Variants in VILL observed in about 807,000 individuals in gnomAD.
VILL encodes the protein villin like.
A neutral mutation model predicts 106.3 loss-of-function variants in VILL; 102 were observed. That is an observed-to-expected ratio of 0.96 (90% CI 0.82 to 1.13). VILL has a LOEUF of 1.13. Among genes scored for constraint, VILL ranks in the 50% most tolerant of loss-of-function variants. VILL has a pLI of 0.00. For synonymous variants in VILL, 431 were observed against 440.3 expected (o/e 0.98, Z 0.27); for missense variants, 1,076 against 1,116.6 (o/e 0.96, Z 0.52).
chr3:38,005,316 CTT>C (rs1410025096), intron 16 of VILL, among the ~76,000 whole-genome samples: 1 of 152,144 alleles, frequency 6.6e-6, no homozygotes, highest in Non-Finnish European at 1.5e-5. Context: ...ACAATGGCCT[CTT>C]TGTGTTCCCT....
intron 1 of VILL, among the ~76,000 whole-genome samples, chr3:37,993,148 C>G (rs945727223): frequency 1.3e-5 from 2 of 152,226 alleles, no homozygotes; most frequent in African/African-American, 2.4e-5. Context: ...CCCCCAGGTA[C>G]TTCTCATTCC....
chr3:38,004,405 G>A lies in VILL; in HGVS notation c.1950+6G>A, dbSNP rs751659949. 16 of 1,602,588 alleles carry A rather than the reference G, an allele frequency of 1.0e-5. No individual in the cohort carries two copies. Among genetic ancestry groups the A allele is most frequent in the Non-Finnish European group, 1.4e-5 (16 of 1,170,452 alleles). ...TACTGGACACCTGGCAGGAGGTAAGGTGGCCATCCCTGCCTGGTGGGGCTG... is the reference window on the plus strand; with the variant it reads ...TACTGGACACCTGGCAGGAGGTAAGATGGCCATCCCTGCCTGGTGGGGCTG... On this transcript the variant is annotated splice_donor_region_variant and intron_variant, in intron 16 of 19. Coordinates refer to ENST00000383759, the MANE Select transcript of VILL (RefSeq NM_015873.4).
rs1294058366 is a variant in VILL at position 37,997,820 on chromosome 3, C to T, written c.764+135C>T. ...GGTTTCTGGGACAGGTCATGTGGAC[C>T]GTGGGTCCAGCCTGTACTCTTCCAT... On this transcript the variant is annotated intron_variant, in intron 7 of 19. Coordinates refer to ENST00000383759, the MANE Select transcript of VILL (RefSeq NM_015873.4). This position sits in a 1 kb window ranked among gnomAD's most constrained non-coding sequence, Gnocchi z 4.7. 1 of 1,036,764 alleles carries T rather than the reference C, an allele frequency of 9.6e-7. No homozygotes were observed. Among genetic ancestry groups the T allele is most frequent in the Non-Finnish European group, 1.4e-6 (1 of 719,770 alleles). 64.2% of individuals were successfully genotyped at this position (1,036,764 alleles called of 1,614,324 possible).
At chr3:37,994,056 T>C in intron 3 of VILL, 84 bp downstream of exon 3, 1 of 1,558,582 alleles carries the variant, frequency 6.4e-7, no homozygotes, top group Non-Finnish European at 8.8e-7. Flanking sequence ...AACTCTGCCC[T>C]GGGAAGCGGC....
chr3:37,998,118 G>T lies in VILL; in HGVS notation c.793G>T (p.Val265Phe), dbSNP rs1304919843. 6.2e-7 allele frequency: 1 copy of T among 1,613,068 alleles called. No homozygotes were observed. ...CTATGAGAAGGGCAAAGACCTGGTGGTCCTGGAGTTGGCGACCCCCCCACT... is the reference window on the plus strand; with the variant it reads ...CTATGAGAAGGGCAAAGACCTGGTGTTCCTGGAGTTGGCGACCCCCCCACT... ...HVYEKGKDLV[V>F]LELATPPLTQ... The change falls in exon 8 of 20, where the codon GTC becomes TTC. Residue 265 changes from valine to phenylalanine, a missense_variant. By Grantham distance (50) the Val-to-Phe change is conservative. Transcript: ENST00000383759. The surrounding 1 kb of genome is among the most constrained non-coding windows in gnomAD (Gnocchi z 4.1).
Position 38,006,392 on chromosome 3 carries a change from C to T in VILL, c.2206-57C>T, listed in dbSNP as rs1699924620. The T allele has an allele frequency of 2.5e-6, 4 of 1,584,392 alleles. No individual in the cohort carries two copies. In the South Asian group the frequency reaches 3.4e-5, roughly 14 times the overall value. On this transcript the variant is annotated intron_variant, in intron 18 of 19. Coordinates refer to ENST00000383759, the MANE Select transcript of VILL (RefSeq NM_015873.4). ...AAGAGGCCTGTGGGTTCAGTGCAGC[C>T]TCCCTGTGGGCTACTGATTCCCCAT...
At chr3:38,002,121 C>A (rs1699829455) in intron 13 of VILL, 2 of 653,014 alleles carry the variant, frequency 3.1e-6, no homozygotes, top group South Asian at 3.9e-5. Context: ...CAAACCTGGT[C>A]CCCACTTTCC....
In VILL at chr3:38,005,960, C is replaced by A. The variant is rs1325727405; in HGVS notation, c.2119C>A (p.Pro707Thr). The change falls in exon 17 of 20, where the codon CCC becomes ACC. Residue 707 changes from proline (P) to threonine (T), a missense_variant. Physicochemically the swap from Pro to Thr is conservative, Grantham distance 38. Transcript: ENST00000383759. ...TFIGWFFTWD[P>T]YKWTSHPSHK... is the part of the protein sequence containing the mutation. ...CATTGGATGGTTCTTCACTTGGGAC[C>A]CCTACAAGTGGACTGTGAGTGAGGC... 6.2e-7 allele frequency: 1 copy of A among 1,612,124 alleles called. No homozygotes were observed. The highest frequency in any genetic ancestry group is 1.7e-5 in the Admixed American group (1 of 59,880).
In VILL at chr3:37,997,638, C is replaced by G; in HGVS notation, c.717C>G (p.Pro239=). 9 of 1,610,104 alleles carry G rather than the reference C, an allele frequency of 5.6e-6. No individual in the cohort carries two copies. The highest frequency in any genetic ancestry group is 7.6e-6 in the Non-Finnish European group (9 of 1,178,528). Residue 239 remains proline (P), a synonymous_variant, in exon 7 of 20, where the codon CCC becomes CCG. Coordinates refer to ENST00000383759, the MANE Select transcript of VILL (RefSeq NM_015873.4). This position sits in a 1 kb window ranked among gnomAD's most constrained non-coding sequence, Gnocchi z 4.7. ...RRVGSLRAAT[P]SKDINQLQKA... is the part of the protein sequence containing the mutation. ...TGGGCAGCCTGCGTGCCGCCACGCCCAGCAAGGATATCAACCAGCTGCAGA... is the reference window on the plus strand; with the variant it reads ...TGGGCAGCCTGCGTGCCGCCACGCCGAGCAAGGATATCAACCAGCTGCAGA...
chr3:37,998,010 G>GT lies in VILL; in HGVS notation c.765-79dup. On this transcript the variant is annotated intron_variant, in intron 7 of 19. Coordinates refer to ENST00000383759, the MANE Select transcript of VILL (RefSeq NM_015873.4). This position sits in a 1 kb window ranked among gnomAD's most constrained non-coding sequence, Gnocchi z 4.1. Reference sequence around the variant, plus strand: ...TGCCTTCTGTCTCTGAGGGACTGGGGTGGGGTCCTAAATGGGGCTGGAGTG... The same window carrying GT: ...TGCCTTCTGTCTCTGAGGGACTGGGGTTGGGGTCCTAAATGGGGCTGGAGTG... 7.1e-7 allele frequency: 1 copy of GT among 1,398,948 alleles called. No homozygotes were observed. Among genetic ancestry groups the GT allele is most frequent in the South Asian group, 1.3e-5 (1 of 77,822 alleles). The allele number at this position is 1,398,948 out of a possible 1,614,324, so 86.7% of individuals were successfully genotyped here. A position where few individuals can be genotyped will look rare whatever the true frequency, so the allele number is the denominator to read the frequency against.
intron 16 of VILL, among the ~76,000 whole-genome samples, chr3:38,004,903 T>G (rs1270791347): frequency 1.3e-5 from 2 of 152,226 alleles, no homozygotes; most frequent in African/African-American, 4.8e-5. Flanking sequence ...TGAGCAAGAC[T>G]ATGACTGGCT....
intron 16 of VILL, 31 bp downstream of exon 16, chr3:38,004,430 G>A: frequency 1.3e-6 from 2 of 1,591,594 alleles, no homozygotes; most frequent in Non-Finnish European, 1.7e-6. Flanking sequence ...TGGTGGGGCT[G>A]TGAACGGGGG....
At chr3:37,994,156 A>C (rs1011479240) in intron 3 of VILL, 105 bp from the exon 4 acceptor site, 2 of 1,444,744 alleles carry the variant, frequency 1.4e-6, no homozygotes, top group Non-Finnish European at 1.9e-6. Flanking sequence ...ATCTCCGCGG[A>C]AGCCCCTGCC....
Position 38,002,423 on chromosome 3 carries a change from C to A in VILL, c.1507C>A (p.Gln503Lys). 6.2e-7 allele frequency: 1 copy of A among 1,613,248 alleles called. No individual in the cohort carries two copies. Among genetic ancestry groups the A allele is most frequent in the Non-Finnish European group, 8.5e-7 (1 of 1,179,484 alleles). The stretch of plus-strand genomic sequence containing the variant: ...GAGAGCTGGGCACCATGGAAAGGGG[C>A]AGTCAGCATCCACCACAAGGCTTTT... ...QERAGHHGKG[Q>K]SASTTRLFQV... Residue 503 changes from glutamine to lysine, a missense_variant, in exon 14 of 20, where the codon CAG becomes AAG. Physicochemically the swap from Gln to Lys is moderately conservative, Grantham distance 53. Coordinates refer to ENST00000383759, the MANE Select transcript of VILL (RefSeq NM_015873.4).
chr3:38,004,006 C>CT (rs1699867737), intron 15 of VILL: 3 of 423,950 alleles, frequency 7.1e-6, no homozygotes, highest in African/African-American at 2.0e-5. Flanking sequence ...CCCTGCAGCC[C>CT]TCTCCTAGGG....
At position 38,000,181 on chromosome 3, in the gene VILL, G is replaced by A. The variant is rs535780511; in HGVS notation, c.1182+742G>A. Among the ~76,000 whole-genome samples, 3 of 152,362 alleles carry A rather than the reference G, an allele frequency of 2.0e-5. No homozygotes were observed. In the East Asian group the frequency reaches 5.8e-4, roughly 29 times the overall value. ...GGGAACAGAACTGCTGGGCCTATGC[G>A]AGGGGTCCTAGTTCTCGAGGTAGGT... On this transcript the variant is annotated intron_variant, in intron 11 of 19. Transcript: ENST00000383759.
intron 1 of VILL, among the ~76,000 whole-genome samples, chr3:37,991,523 C>G (rs994004157): frequency 1.0e-4 from 15 of 149,876 alleles, no homozygotes; most frequent in African/African-American, 3.7e-4. Context: ...AAAGAAGAAC[C>G]AGGGGGAGGC....
chr3:37,993,437 A>T (rs73060808), intron 1 of VILL, 150 bp from the exon 2 acceptor site: 1 of 531,932 alleles, frequency 1.9e-6, no homozygotes, highest in East Asian at 3.1e-5. Flanking sequence ...CTGGAAAAAA[A>T]AATTGTCAAG....
intron 18 of VILL, 84 bp from the exon 19 acceptor site, chr3:38,006,365 G>A: frequency 6.3e-7 from 1 of 1,597,552 alleles, no homozygotes; most frequent in Non-Finnish European, 8.6e-7. Flanking sequence ...GCAGTTGGAG[G>A]TAAGAGGCCT....
Sources: allele counts gnomAD v4.1 joint callset (sites outside exome capture counted in the v4.1 genomes callset), GRCh38; gene constraint gnomAD v4.1.1; non-coding constraint Gnocchi (gnomAD v3.1); transcripts MANE v1.5; gene names NCBI Gene and HGNC (gene_info 2026-07-23, HGNC 2026-07-21).